SYN3: variants seen among roughly 807,000 people sequenced by gnomAD.
SYN3 encodes the protein synapsin III.
Under a neutral mutation model 65.8 loss-of-function variants are expected in SYN3, and 35 were observed. That is an observed-to-expected ratio of 0.53 (90% CI 0.41 to 0.70). SYN3 has a LOEUF of 0.70. SYN3 is among the 30% of genes least tolerant of loss of function. SYN3 has a pLI of 0.00. For missense variants in SYN3, 680 were observed against 749.0 expected (o/e 0.91, Z 1.08); for synonymous variants, 270 against 292.9 (o/e 0.92, Z 0.80).
intron 4 of SYN3, among the ~76,000 whole-genome samples, chr22:32,913,851 A>G (rs922624031): frequency 6.6e-6 from 1 of 152,244 alleles, no homozygotes; most frequent in Non-Finnish European, 1.5e-5. Flanking sequence ...ATTGGCAGGA[A>G]CAAATAAAAA....
At chr22:32,723,661 G>A (rs1433288815) in intron 6 of SYN3, among the ~76,000 whole-genome samples, 2 of 152,194 alleles carry the variant, frequency 1.3e-5, no homozygotes, top group Non-Finnish European at 2.9e-5. Flanking sequence ...CTCTGGGCTC[G>A]GCTCCCAGGA....
At chr22:32,840,491 G>A (rs1010703194) in intron 6 of SYN3, among the ~76,000 whole-genome samples, 7 of 152,112 alleles carry the variant, frequency 4.6e-5, no homozygotes, top group Admixed American at 2.6e-4. Context: ...CAGGCTGCTC[G>A]CCGCTCCCCA....
intron 6 of SYN3, among the ~76,000 whole-genome samples, chr22:32,677,133 G>C (rs1052306021): frequency 1.6e-4 from 25 of 152,296 alleles, no homozygotes; most frequent in African/African-American, 5.5e-4. Context: ...GGATAACGCT[G>C]TTCCTATCCT....
intron 6 of SYN3, among the ~76,000 whole-genome samples, chr22:32,739,920 A>G (rs527680272): frequency 1.2e-4 from 19 of 152,234 alleles, no homozygotes; most frequent in South Asian, 4.2e-4. Flanking sequence ...GTCCTGCTGC[A>G]CCCCCTACAC....
At chr22:32,840,974 G>T (rs780597054) in intron 6 of SYN3, among the ~76,000 whole-genome samples, 2 of 152,182 alleles carry the variant, frequency 1.3e-5, no homozygotes, top group Non-Finnish European at 2.9e-5. Flanking sequence ...CTGAAGAGTT[G>T]TGTATCTGAC....
intron 3 of SYN3, among the ~76,000 whole-genome samples, chr22:32,960,077 A>C (rs1028013604): frequency 1.3e-5 from 2 of 152,252 alleles, no homozygotes; most frequent in African/African-American, 4.8e-5. Flanking sequence ...CTTTGGAGTT[A>C]GACAGGTATC....
At chr22:32,532,817 T>C (rs1472353579) in intron 10 of SYN3, among the ~76,000 whole-genome samples, 2 of 151,828 alleles carry the variant, frequency 1.3e-5, no homozygotes, top group Non-Finnish European at 2.9e-5. Context: ...GCCGCAGGGC[T>C]CTCCCTCACG....
intron 6 of SYN3, among the ~76,000 whole-genome samples, chr22:32,717,214 A>G (rs1311209600): frequency 6.6e-6 from 1 of 152,156 alleles, no homozygotes; most frequent in Non-Finnish European, 1.5e-5. Flanking sequence ...GCTCAGCTAG[A>G]TCTGACCCCT....
intron 6 of SYN3, among the ~76,000 whole-genome samples, chr22:32,691,058 T>C (rs1292774820): frequency 6.6e-6 from 1 of 152,244 alleles, no homozygotes; most frequent in East Asian, 1.9e-4. Context: ...AGCCCCTCCT[T>C]TAAAGCTTGG....
At chr22:32,638,469 A>G (rs1286088516) in intron 6 of SYN3, among the ~76,000 whole-genome samples, 2 of 152,158 alleles carry the variant, frequency 1.3e-5, no homozygotes, top group Non-Finnish European at 2.9e-5. Context: ...CCTCACCAAC[A>G]TCTGTTGTTT....
chr22:32,798,466 C>T (rs2046481550), intron 6 of SYN3, among the ~76,000 whole-genome samples: 1 of 152,096 alleles, frequency 6.6e-6, no homozygotes, highest in Non-Finnish European at 1.5e-5. Flanking sequence ...TTTACGACTT[C>T]TCTTCCTACA....
At chr22:32,571,373 C>T (rs2058756496) in intron 7 of SYN3, among the ~76,000 whole-genome samples, 1 of 152,174 alleles carries the variant, frequency 6.6e-6, no homozygotes, top group East Asian at 1.9e-4. Context: ...CTACCCATTC[C>T]AGGAGCTTGG....
chr22:32,537,938 G>T, intron 9 of SYN3, 98 bp downstream of exon 9: 1 of 1,067,664 alleles, frequency 9.4e-7, no homozygotes, highest in African/African-American at 1.5e-5. Context: ...GCACTGGACG[G>T]AGGGCGGAGT....
intron 6 of SYN3, among the ~76,000 whole-genome samples, chr22:32,700,547 A>G (rs2060797540): frequency 1.3e-5 from 2 of 152,224 alleles, no homozygotes; most frequent in South Asian, 2.1e-4. Flanking sequence ...ACTCAGAAAC[A>G]TGAAAAAAGG....
chr22:32,579,016 C>T (rs186177771), intron 7 of SYN3, among the ~76,000 whole-genome samples: 108 of 152,278 alleles, frequency 7.1e-4, no homozygotes, highest in Non-Finnish European at 9.3e-4. Flanking sequence ...CCAAGCCCTG[C>T]GCTAGACTGT....
intron 6 of SYN3, among the ~76,000 whole-genome samples, chr22:32,711,932 C>G (rs1009912443): frequency 1.1e-4 from 16 of 152,164 alleles, no homozygotes; most frequent in Admixed American, 6.5e-5. Flanking sequence ...GTCTGATGCC[C>G]TCTTTTCTTA....
intron 2 of SYN3, among the ~76,000 whole-genome samples, chr22:32,994,808 C>G (rs531849448): frequency 6.6e-6 from 1 of 152,254 alleles, no homozygotes; most frequent in East Asian, 1.9e-4. Context: ...GGCTTCCTTC[C>G]CCCTGGCTTC....
chr22:32,940,578 A>T (rs1195698705), intron 3 of SYN3, among the ~76,000 whole-genome samples: 2 of 152,118 alleles, frequency 1.3e-5, no homozygotes, highest in Non-Finnish European at 2.9e-5. Flanking sequence ...AATTTTTTTC[A>T]TATGGTTATT....
chr22:32,887,510 G>T (rs1461982670), intron 4 of SYN3, among the ~76,000 whole-genome samples: 1 of 152,138 alleles, frequency 6.6e-6, no homozygotes, highest in Non-Finnish European at 1.5e-5. Context: ...TGGTTCCATT[G>T]CCAGTTGAGC....
Sources: allele counts gnomAD v4.1 joint callset (sites outside exome capture counted in the v4.1 genomes callset), GRCh38; gene constraint gnomAD v4.1.1; transcripts MANE v1.5; gene names NCBI Gene and HGNC (gene_info 2026-07-23, HGNC 2026-07-21).